Variants in DCC observed in about 807,000 individuals in gnomAD.
DCC encodes the protein netrin receptor DCC.
A neutral mutation model predicts 172.5 loss-of-function variants in DCC; 58 were observed. The ratio of observed to expected loss-of-function variants is 0.34; its 90% CI spans 0.27 to 0.42. The LOEUF (loss-of-function observed/expected upper bound fraction) is 0.42, where lower values mean the gene tolerates loss of function less well. DCC is among the 10% of genes least tolerant of loss of function. The pLI is 1.00. For missense variants in DCC, 1,740 were observed against 1,791.0 expected (o/e 0.97, Z 0.51); for synonymous variants, 709 against 644.5 (o/e 1.10, Z -1.52).
Position 52,896,396 on chromosome 18 carries a change from C to T in DCC, c.413-9648C>T, listed in dbSNP as rs1457921864. ...ATGCATACTCACAGTTAAGCGACCT[C>T]TTTCAGTCACCAAAGATGACAGCAG... On this transcript the variant is annotated intron_variant, in intron 2 of 28. Coordinates refer to ENST00000442544, the MANE Select transcript of DCC (RefSeq NM_005215.4). Among the ~76,000 whole-genome samples, 2 of 152,120 alleles carry T rather than the reference C, an allele frequency of 1.3e-5. 1 individual carries two copies.
intron 15 of DCC, among the ~76,000 whole-genome samples, chr18:53,383,522 T>C (rs548339113): frequency 6.8e-6 from 1 of 148,028 alleles, no homozygotes; most frequent in South Asian, 2.2e-4. Flanking sequence ...TTCCGTTCTA[T>C]CTAGTATGTC....
chr18:52,835,452 AACT>A (rs2038688171), intron 2 of DCC, among the ~76,000 whole-genome samples: 1 of 152,240 alleles, frequency 6.6e-6, no homozygotes. Context: ...TCAGGAGTTA[AACT>A]ACTGCTGATT....
intron 1 of DCC, among the ~76,000 whole-genome samples, chr18:52,592,861 T>C (rs12454573): frequency 0.02 from 3,062 of 152,210 alleles, 110 homozygotes; most frequent in East Asian, 0.096. Context: ...GCCAGGCTAG[T>C]CTCAAACTCC....
intron 1 of DCC, among the ~76,000 whole-genome samples, chr18:52,562,267 T>C (rs1306625030): frequency 6.6e-6 from 1 of 152,150 alleles, no homozygotes; most frequent in Non-Finnish European, 1.5e-5. Context: ...AAGTGCTATA[T>C]GAACCGACAT....
At chr18:52,933,745 GC>G (rs907123775) in intron 5 of DCC, among the ~76,000 whole-genome samples, 1 of 152,020 alleles carries the variant, frequency 6.6e-6, no homozygotes. Flanking sequence ...TATTTGTAGA[GC>G]TTTAGGAGCT....
chr18:53,452,890 GGTTTGTTTGTTTGTTT>G (rs10553364), intron 23 of DCC, among the ~76,000 whole-genome samples: 35 of 150,294 alleles, frequency 2.3e-4, no homozygotes, highest in African/African-American at 7.4e-4. Context: ...AGTTTAGTGG[GGTTTGTTTGTTTGTTT>G]GTTTGTTTGT....
At chr18:53,459,825 C>T (rs999718710) in intron 24 of DCC, among the ~76,000 whole-genome samples, 1 of 152,060 alleles carries the variant, frequency 6.6e-6, no homozygotes, top group African/African-American at 2.4e-5. Flanking sequence ...TGTACATTTT[C>T]CAGTTCCTTA....
At chr18:53,092,197 A>G (rs1425800981) in intron 7 of DCC, among the ~76,000 whole-genome samples, 1 of 152,152 alleles carries the variant, frequency 6.6e-6, no homozygotes, top group Admixed American at 6.5e-5. Flanking sequence ...AATTTTTTAA[A>G]TATTATCCAT....
chr18:52,882,237 C>G (rs2039497176), intron 2 of DCC, among the ~76,000 whole-genome samples: 1 of 151,796 alleles, frequency 6.6e-6, no homozygotes, highest in Admixed American at 6.6e-5. Context: ...CATCTAGAAA[C>G]AATTTTGGGT....
chr18:53,180,703 G>T (rs2055181720), intron 9 of DCC, among the ~76,000 whole-genome samples: 2 of 152,086 alleles, frequency 1.3e-5, no homozygotes, highest in South Asian at 4.2e-4. Flanking sequence ...TCACTCTCTT[G>T]CCCAGACTGG....
At chr18:52,898,731 G>C (rs1324400638) in intron 2 of DCC, among the ~76,000 whole-genome samples, 1 of 151,148 alleles carries the variant, frequency 6.6e-6, no homozygotes, top group Non-Finnish European at 1.5e-5. Context: ...CAAAGGAAAA[G>C]CCCAAATGAA....
intron 24 of DCC, among the ~76,000 whole-genome samples, chr18:53,465,136 AAGTCTGTTGTATTT>A (rs1438683424): frequency 6.6e-6 from 1 of 151,972 alleles, no homozygotes; most frequent in Non-Finnish European, 1.5e-5. Context: ...AAGAGGAGGA[AAGTCTGTTGTATTT>A]AATTGATATT....
At chr18:53,052,496 T>G (rs1320970022) in intron 5 of DCC, among the ~76,000 whole-genome samples, 2 of 152,098 alleles carry the variant, frequency 1.3e-5, no homozygotes, top group African/African-American at 2.4e-5. Flanking sequence ...GGAGTGGCAC[T>G]GTCCAGACAT....
chr18:53,043,283 G>C (rs940093262), intron 5 of DCC, among the ~76,000 whole-genome samples: 11 of 150,968 alleles, frequency 7.3e-5, no homozygotes, highest in African/African-American at 2.7e-4. Flanking sequence ...TGAACACAGG[G>C]AGGGGAATAT....
At chr18:52,812,585 T>C (rs182532955) in intron 2 of DCC, among the ~76,000 whole-genome samples, 303 of 152,304 alleles carry the variant, frequency 2.0e-3, no homozygotes, top group African/African-American at 6.7e-3. Context: ...AAAAAACATA[T>C]GATTTAGTTA....
chr18:53,372,900 A>G (rs543543040), intron 15 of DCC, among the ~76,000 whole-genome samples: 1 of 152,258 alleles, frequency 6.6e-6, no homozygotes, highest in East Asian at 1.9e-4. Context: ...CATTAGAGTC[A>G]TAACCCCTTC....
At chr18:53,356,831 C>G (rs528308023) in intron 15 of DCC, among the ~76,000 whole-genome samples, 4 of 152,168 alleles carry the variant, frequency 2.6e-5, no homozygotes, top group African/African-American at 9.7e-5. Context: ...AGACTTTCAA[C>G]TTTGTGTCTT....
At chr18:53,290,577 T>C (rs1358127142) in intron 12 of DCC, among the ~76,000 whole-genome samples, 1 of 152,138 alleles carries the variant, frequency 6.6e-6, no homozygotes, top group African/African-American at 2.4e-5. Context: ...ATTAATTACT[T>C]AGGGCCTAAT....
intron 1 of DCC, among the ~76,000 whole-genome samples, chr18:52,540,960 T>C (rs1319336428): frequency 6.6e-6 from 1 of 152,120 alleles, no homozygotes; most frequent in Non-Finnish European, 1.5e-5. Flanking sequence ...AACATGAGGT[T>C]GTATTGCAAT....
Sources: allele counts gnomAD v4.1 joint callset (sites outside exome capture counted in the v4.1 genomes callset), GRCh38; gene constraint gnomAD v4.1.1; transcripts MANE v1.5; gene names NCBI Gene and HGNC (gene_info 2026-07-23, HGNC 2026-07-21).